COMMD1: variants seen among roughly 807,000 people sequenced by gnomAD.
COMMD1 encodes COMM domain-containing protein 1.
COMMD1 carries 10 observed loss-of-function variants against 17.2 expected under a neutral mutation model. That is an observed-to-expected ratio of 0.58 (90% CI 0.36 to 0.99). The LOEUF (loss-of-function observed/expected upper bound fraction) is 0.99. Among genes scored for constraint, COMMD1 ranks in the 50% least tolerant of loss-of-function variants. The pLI is 0.01. For missense variants in COMMD1, 270 were observed against 231.8 expected (o/e 1.17, Z -1.07); for synonymous variants, 97 against 91.6 (o/e 1.06, Z -0.34).
At chr2:61,959,329 A>T (rs1030960347) in intron 1 of COMMD1, among the ~76,000 whole-genome samples, 5 of 152,244 alleles carry the variant, frequency 3.3e-5, no homozygotes, top group African/African-American at 1.2e-4. Flanking sequence ...AGGAAGGTCC[A>T]TGTTCAATGG....
intron 2 of COMMD1, among the ~76,000 whole-genome samples, chr2:62,042,657 C>G (rs1006393642): frequency 2.0e-5 from 3 of 152,214 alleles, no homozygotes; most frequent in African/African-American, 4.8e-5. Context: ...CAGCCAGCCC[C>G]GGCGACGGGC....
intron 2 of COMMD1, among the ~76,000 whole-genome samples, chr2:62,017,011 T>A (rs1194575085): frequency 6.6e-6 from 1 of 152,250 alleles, no homozygotes; most frequent in Non-Finnish European, 1.5e-5. Flanking sequence ...ATCATGTTTC[T>A]GAATTTTCTA....
chr2:61,890,961 CA>C (rs1460737475), intron 1 of COMMD1, among the ~76,000 whole-genome samples: 1 of 152,032 alleles, frequency 6.6e-6, no homozygotes, highest in Admixed American at 6.6e-5. Context: ...TTTGTTTAGA[CA>C]ACTGATGTAA....
At chr2:61,894,551 T>C (rs77980677) in intron 1 of COMMD1, among the ~76,000 whole-genome samples, 11,167 of 151,922 alleles carry the variant, frequency 0.074, 757 homozygotes, top group African/African-American at 0.18. Context: ...AAATGTGACG[T>C]AAATGTGGAC....
At chr2:61,895,606 C>T (rs1669534530) in intron 1 of COMMD1, among the ~76,000 whole-genome samples, 1 of 152,132 alleles carries the variant, frequency 6.6e-6, no homozygotes, top group Non-Finnish European at 1.5e-5. Context: ...AGCAATCCTG[C>T]CCGCAAAGAG....
chr2:62,066,853 G>A (rs1344715159), intron 2 of COMMD1, among the ~76,000 whole-genome samples: 2 of 151,436 alleles, frequency 1.3e-5, no homozygotes, highest in Non-Finnish European at 2.9e-5. Flanking sequence ...AGCCTCCCGA[G>A]TAGTTGGGAT....
intron 2 of COMMD1, among the ~76,000 whole-genome samples, chr2:62,020,303 C>T (rs967087187): frequency 2.6e-5 from 4 of 152,196 alleles, no homozygotes; most frequent in Non-Finnish European, 5.9e-5. Context: ...CAGCTGGGCA[C>T]AGGTTGGTAA....
intron 1 of COMMD1, among the ~76,000 whole-genome samples, chr2:61,976,832 T>A (rs943410087): frequency 3.5e-5 from 5 of 143,644 alleles, no homozygotes; most frequent in Admixed American, 1.4e-4. Flanking sequence ...TGATGTGGGA[T>A]TTTTTTTTTT....
intron 2 of COMMD1, among the ~76,000 whole-genome samples, chr2:62,013,309 T>G (rs772763004): frequency 6.6e-6 from 1 of 152,134 alleles, no homozygotes; most frequent in Non-Finnish European, 1.5e-5. Flanking sequence ...TCCTTCATTC[T>G]CTTAATAAGA....
At position 62,006,461 on chromosome 2, in the gene COMMD1, G is replaced by A. The variant is rs562073103; in HGVS notation, c.462+5479G>A. ...ATATGAGGAAGCCAGAGTAATAGAA[G>A]GCATTATACCTTAATGGAAATCTGC... On this transcript the variant is annotated intron_variant, in intron 2 of 2. Coordinates refer to ENST00000311832, the MANE Select transcript of COMMD1 (RefSeq NM_152516.4). Among the ~76,000 whole-genome samples the A allele has an allele frequency of 5.3e-5, 8 of 152,062 alleles. No individual in the cohort carries two copies. The South Asian group carries it at 8.3e-4, about 16-fold the overall frequency.
At chr2:62,092,649 T>C (rs1457089646) in intron 2 of COMMD1, among the ~76,000 whole-genome samples, 2 of 152,184 alleles carry the variant, frequency 1.3e-5, no homozygotes, top group Non-Finnish European at 2.9e-5. Flanking sequence ...TCCGTGGTCT[T>C]TGGGGTCGTC....
chr2:62,011,600 C>T (rs1028356084), intron 2 of COMMD1, among the ~76,000 whole-genome samples: 3 of 152,084 alleles, frequency 2.0e-5, no homozygotes, highest in Admixed American at 6.5e-5. Context: ...ACGTAACTCA[C>T]TATAAAGCAT....
chr2:61,963,355 T>C (rs1046691562), intron 1 of COMMD1, among the ~76,000 whole-genome samples: 1 of 151,880 alleles, frequency 6.6e-6, no homozygotes, highest in African/African-American at 2.4e-5. Context: ...AGCCAGTTTT[T>C]TGTTTTGTTT....
chr2:61,937,537 GA>G (rs1375719517), intron 1 of COMMD1, among the ~76,000 whole-genome samples: 2 of 152,200 alleles, frequency 1.3e-5, no homozygotes, highest in Admixed American at 6.5e-5. Flanking sequence ...GATAGGAATA[GA>G]CATGGACAGG....
At chr2:61,989,928 A>G (rs1672202485) in intron 1 of COMMD1, among the ~76,000 whole-genome samples, 1 of 152,194 alleles carries the variant, frequency 6.6e-6, no homozygotes, top group Non-Finnish European at 1.5e-5. Context: ...CCTGCATTTT[A>G]ATAAATACCA....
chr2:62,101,222 A>T (rs1244620785), intron 2 of COMMD1, among the ~76,000 whole-genome samples: 1 of 152,156 alleles, frequency 6.6e-6, no homozygotes, highest in South Asian at 2.1e-4. Context: ...GATTCTCTGA[A>T]TACCAACTGG....
At chr2:62,007,071 G>T (rs183139726) in intron 2 of COMMD1, among the ~76,000 whole-genome samples, 39 of 152,278 alleles carry the variant, frequency 2.6e-4, no homozygotes, top group African/African-American at 7.0e-4. Context: ...TAGATTTTAA[G>T]ATGCCCTGCA....
At chr2:61,910,221 A>G (rs1357986022) in intron 1 of COMMD1, among the ~76,000 whole-genome samples, 1 of 151,900 alleles carries the variant, frequency 6.6e-6, no homozygotes, top group East Asian at 1.9e-4. Flanking sequence ...ATTTATATAT[A>G]AAATATATAA....
At chr2:62,108,462 A>G (rs1672374366) in intron 2 of COMMD1, among the ~76,000 whole-genome samples, 1 of 152,202 alleles carries the variant, frequency 6.6e-6, no homozygotes, top group South Asian at 2.1e-4. Flanking sequence ...GGTAAATTGT[A>G]GAGATGTACA....
Sources: allele counts gnomAD v4.1 joint callset (sites outside exome capture counted in the v4.1 genomes callset), GRCh38; gene constraint gnomAD v4.1.1; transcripts MANE v1.5; gene names NCBI Gene and HGNC (gene_info 2026-07-23, HGNC 2026-07-21).